GALNTL6: variants seen among roughly 807,000 people sequenced by gnomAD.
GALNTL6 encodes the protein polypeptide N-acetylgalactosaminyltransferase-like 6.
A neutral mutation model predicts 73.7 loss-of-function variants in GALNTL6; 46 were observed. That is an observed-to-expected ratio of 0.62 (90% CI 0.49 to 0.80). The LOEUF is 0.80. GALNTL6 is among the 30% of genes least tolerant of loss of function. The pLI is 0.00. For missense variants in GALNTL6, 604 were observed against 755.0 expected (o/e 0.80, Z 2.34); for synonymous variants, 259 against 263.7 (o/e 0.98, Z 0.17).
chr4:172,039,125 T>G (rs1259027664), intron 2 of GALNTL6, among the ~76,000 whole-genome samples: 1 of 152,180 alleles, frequency 6.6e-6, no homozygotes, highest in East Asian at 1.9e-4. Context: ...TCAACTAATT[T>G]TGCATAATAT....
chr4:171,898,629 G>T (rs908662099), intron 2 of GALNTL6, among the ~76,000 whole-genome samples: 1 of 152,060 alleles, frequency 6.6e-6, no homozygotes, highest in Admixed American at 6.6e-5. Context: ...CCATATTTTT[G>T]ATATTCTAGA....
chr4:172,233,721 C>T (rs1737149606), intron 3 of GALNTL6, among the ~76,000 whole-genome samples: 1 of 152,000 alleles, frequency 6.6e-6, no homozygotes, highest in Non-Finnish European at 1.5e-5. Context: ...TACATTCTTG[C>T]TCTTCTTTTT....
chr4:172,643,695 T>G (rs1172995158), intron 5 of GALNTL6, among the ~76,000 whole-genome samples: 1 of 151,994 alleles, frequency 6.6e-6, no homozygotes, highest in Non-Finnish European at 1.5e-5. Context: ...CTGGCAATTT[T>G]TGTTAACCAT....
At chr4:172,156,540 A>AATATATATATATATATATATATATAAT in intron 2 of GALNTL6, among the ~76,000 whole-genome samples, 1 of 125,166 alleles carries the variant, frequency 8.0e-6, no homozygotes, top group South Asian at 2.4e-4. Flanking sequence ...ATATATATAT[A>AATATATATATATATATATATATATAAT]ATATATATAT....
Position 172,867,294 on chromosome 4 carries a change from G to A in GALNTL6, c.924-15496G>A, listed in dbSNP as rs60289660. On this transcript the variant is annotated intron_variant, in intron 7 of 12. Coordinates refer to ENST00000506823, the MANE Select transcript of GALNTL6 (RefSeq NM_001034845.3). Reference sequence around the variant, plus strand: ...GTATGTCTGCCACCAGTGCTATAAAGTGACAAGTCTACTATGGAGTGCACT... The same window carrying A: ...GTATGTCTGCCACCAGTGCTATAAAATGACAAGTCTACTATGGAGTGCACT... 2.2e-3 allele frequency among the ~76,000 whole-genome samples: 340 copies of A among 152,286 alleles called. 14 individuals carry two copies. The East Asian group carries it at 0.052, about 23-fold the overall frequency.
At chr4:172,441,664 G>A (rs1025220843) in intron 5 of GALNTL6, among the ~76,000 whole-genome samples, 4 of 152,120 alleles carry the variant, frequency 2.6e-5, no homozygotes, top group Non-Finnish European at 5.9e-5. Context: ...TGGGCTTAAT[G>A]AGAGAAAAAT....
rs940486529 is a variant in GALNTL6, at chr4:172,019,415, A to G, written c.138+204697A>G. Among the ~76,000 whole-genome samples the G allele has an allele frequency of 1.2e-4, 18 of 152,124 alleles. 1 individual carries two copies. The highest frequency in any genetic ancestry group is 3.9e-4 in the Admixed American group (6 of 15,250). ...AAAAAGACCCAATAATCTGTTGCCT[A>G]TGAGAAACACACTTCACCTATAAAG... On this transcript the variant is annotated intron_variant, in intron 2 of 12. Coordinates refer to ENST00000506823, the MANE Select transcript of GALNTL6 (RefSeq NM_001034845.3).
chr4:172,822,706 C>T (rs540659262), intron 7 of GALNTL6, among the ~76,000 whole-genome samples: 86 of 152,296 alleles, frequency 5.6e-4, no homozygotes, highest in African/African-American at 2.0e-3. Flanking sequence ...ACAGCACCAC[C>T]TAAGACATAG....
intron 3 of GALNTL6, among the ~76,000 whole-genome samples, chr4:172,247,871 A>T (rs1737716505): frequency 6.6e-6 from 1 of 152,168 alleles, no homozygotes; most frequent in Non-Finnish European, 1.5e-5. Flanking sequence ...CAAAATCATG[A>T]TATTGTAAAA....
chr4:172,363,884 T>G (rs74983185), intron 5 of GALNTL6, among the ~76,000 whole-genome samples: 2,432 of 152,252 alleles, frequency 0.016, 68 homozygotes, highest in African/African-American at 0.056. Context: ...TGTTGAGAGA[T>G]TCTACAAATA....
chr4:172,889,587 A>G lies in GALNTL6; in HGVS notation c.1041+6680A>G, dbSNP rs28864139. Among the ~76,000 whole-genome samples the G allele has an allele frequency of 6.9e-3, 1,047 of 152,228 alleles. 11 individuals carry two copies. The highest frequency in any genetic ancestry group is 0.024 in the African/African-American group (987 of 41,544). On this transcript the variant is annotated intron_variant, in intron 8 of 12. Transcript: ENST00000506823. ...GATTTGCATATGTTGAACCAGCCTT[A>G]CATCCGAGGAATGAAGACTTCTTGA...
intron 5 of GALNTL6, among the ~76,000 whole-genome samples, chr4:172,626,721 G>A (rs928739224): frequency 6.6e-6 from 1 of 151,936 alleles, no homozygotes; most frequent in African/African-American, 2.4e-5. Context: ...CACCTTTTTG[G>A]TGAGCTGTAT....
chr4:172,865,158 T>C (rs1744597860), intron 7 of GALNTL6, among the ~76,000 whole-genome samples: 1 of 152,216 alleles, frequency 6.6e-6, no homozygotes, highest in African/African-American at 2.4e-5. Flanking sequence ...CAAATATCTA[T>C]ATCAAGGACA....
At chr4:172,501,877 T>C (rs1003773521) in intron 5 of GALNTL6, among the ~76,000 whole-genome samples, 2 of 152,188 alleles carry the variant, frequency 1.3e-5, no homozygotes, top group Non-Finnish European at 2.9e-5. Flanking sequence ...TGAACACAGG[T>C]ACAATTGTAG....
intron 2 of GALNTL6, among the ~76,000 whole-genome samples, chr4:171,878,606 C>A (rs1736344591): frequency 6.6e-6 from 1 of 152,006 alleles, no homozygotes; most frequent in African/African-American, 2.4e-5. Flanking sequence ...CGCAAGACAT[C>A]TTTAAAATAT....
chr4:172,078,340 T>C (rs1287346277), intron 2 of GALNTL6, among the ~76,000 whole-genome samples: 1 of 152,136 alleles, frequency 6.6e-6, no homozygotes, highest in Non-Finnish European at 1.5e-5. Flanking sequence ...GGAAGGTGCT[T>C]GCTTCTCCTT....
intron 5 of GALNTL6, among the ~76,000 whole-genome samples, chr4:172,664,136 C>T (rs1412900967): frequency 6.6e-6 from 1 of 152,164 alleles, no homozygotes; most frequent in African/African-American, 2.4e-5. Flanking sequence ...CTACCTTAGG[C>T]ACAGAGAATG....
intron 4 of GALNTL6, among the ~76,000 whole-genome samples, chr4:172,321,902 G>GAA (rs1384724305): frequency 6.6e-6 from 1 of 152,176 alleles, no homozygotes; most frequent in Non-Finnish European, 1.5e-5. Flanking sequence ...CTAAGAGAGA[G>GAA]AAACATCTGA....
intron 5 of GALNTL6, among the ~76,000 whole-genome samples, chr4:172,543,614 G>A (rs763728592): frequency 7.2e-5 from 11 of 152,180 alleles, no homozygotes; most frequent in Non-Finnish European, 1.6e-4. Context: ...AGAATCACAA[G>A]TTTTCAAAAG....
Sources: allele counts gnomAD v4.1 joint callset (sites outside exome capture counted in the v4.1 genomes callset), GRCh38; gene constraint gnomAD v4.1.1; transcripts MANE v1.5; gene names NCBI Gene and HGNC (gene_info 2026-07-23, HGNC 2026-07-21).